Variants in ZNF804B observed in about 807,000 individuals in gnomAD.
The protein encoded by ZNF804B is zinc finger 804B.
A neutral mutation model predicts 101.4 loss-of-function variants in ZNF804B; 80 were observed. The observed-to-expected ratio is 0.79, with a 90% CI of 0.66 to 0.95. ZNF804B has a LOEUF of 0.95. Ranked by LOEUF, ZNF804B falls within the 40% of genes least tolerant of loss-of-function variation. The probability of loss-of-function intolerance (pLI) is 0.00; values close to 1 mark genes in which losing one functional copy is unlikely to be tolerated. For synonymous variants in ZNF804B, 622 were observed against 558.8 expected (o/e 1.11, Z -1.59); for missense variants, 1,673 against 1,561.9 (o/e 1.07, Z -1.20).
intron 1 of ZNF804B, among the ~76,000 whole-genome samples, chr7:89,172,535 A>C (rs1791252231): frequency 6.6e-6 from 1 of 152,186 alleles, no homozygotes; most frequent in Non-Finnish European, 1.5e-5. Flanking sequence ...TGTTTTACTA[A>C]CTGTACAGCC....
intron 2 of ZNF804B, among the ~76,000 whole-genome samples, chr7:89,260,738 A>G (rs767325031): frequency 6.6e-6 from 1 of 152,198 alleles, no homozygotes; most frequent in Non-Finnish European, 1.5e-5. Context: ...TGCAATGACA[A>G]CTTCATGAAT....
chr7:89,149,079 C>A (rs1201566482), intron 1 of ZNF804B, among the ~76,000 whole-genome samples: 1 of 152,004 alleles, frequency 6.6e-6, no homozygotes, highest in Non-Finnish European at 1.5e-5. Flanking sequence ...AAGGTTACCA[C>A]CAAGCTGAAA....
At chr7:88,930,775 A>C (rs1792870963) in intron 1 of ZNF804B, among the ~76,000 whole-genome samples, 1 of 151,876 alleles carries the variant, frequency 6.6e-6, no homozygotes, top group Non-Finnish European at 1.5e-5. Context: ...TTGTCAGAGA[A>C]ATTAAGAATT....
At chr7:89,146,263 T>C (rs1790790321) in intron 1 of ZNF804B, among the ~76,000 whole-genome samples, 1 of 152,082 alleles carries the variant, frequency 6.6e-6, no homozygotes. Context: ...TTGTAGGATG[T>C]AGTAATGTAC....
intron 1 of ZNF804B, among the ~76,000 whole-genome samples, chr7:89,025,986 C>T (rs188332337): frequency 6.6e-6 from 1 of 152,212 alleles, no homozygotes; most frequent in African/African-American, 2.4e-5. Context: ...TAACTGGCCC[C>T]TATCTACCCC....
rs1791038520 is a variant in ZNF804B, at chr7:89,334,371, C to G, written c.1389C>G (p.Leu463=). 1.2e-6 allele frequency: 2 copies of G among 1,613,814 alleles called. No individual in the cohort carries two copies. Among genetic ancestry groups the G allele is most frequent in the East Asian group, 4.5e-5 (2 of 44,858 alleles). ...TTLQWPTELL[L]FTKTEPCISY... ...TTCAATGGCCTACGGAACTTCTGCT[C>G]TTTACAAAAACAGAACCCTGTATCT... Residue 463 remains leucine (L), a synonymous_variant, in exon 4 of 4, where the codon CTC becomes CTG. Coordinates refer to ENST00000333190, the MANE Select transcript of ZNF804B (RefSeq NM_181646.5).
chr7:89,030,160 G>C (rs1043863251), intron 1 of ZNF804B, among the ~76,000 whole-genome samples: 3 of 152,046 alleles, frequency 2.0e-5, no homozygotes, highest in Non-Finnish European at 4.4e-5. Flanking sequence ...AGAAAGTCTG[G>C]GTCCCAGACT....
At chr7:89,221,049 G>C (rs1788997084) in intron 2 of ZNF804B, among the ~76,000 whole-genome samples, 1 of 151,750 alleles carries the variant, frequency 6.6e-6, no homozygotes, top group Admixed American at 6.6e-5. Flanking sequence ...TATAATGTCT[G>C]GTTGTCTCTC....
chr7:88,903,710 C>T (rs776807876), intron 1 of ZNF804B, among the ~76,000 whole-genome samples: 46 of 152,122 alleles, frequency 3.0e-4, no homozygotes, highest in Middle Eastern at 3.4e-3. Flanking sequence ...TGATTAGTGA[C>T]GATGACAATT....
At chr7:88,782,468 T>C (rs1292554064) in intron 1 of ZNF804B, among the ~76,000 whole-genome samples, 1 of 152,088 alleles carries the variant, frequency 6.6e-6, no homozygotes, top group Non-Finnish European at 1.5e-5. Context: ...TATATGTATA[T>C]ACGTGCACAT....
intron 1 of ZNF804B, among the ~76,000 whole-genome samples, chr7:89,187,875 C>G (rs957569770): frequency 1.3e-5 from 2 of 152,086 alleles, no homozygotes; most frequent in Non-Finnish European, 2.9e-5. Context: ...CCAAACCCCT[C>G]TTTTAGAGGT....
intron 2 of ZNF804B, among the ~76,000 whole-genome samples, chr7:89,300,041 A>C (rs570713761): frequency 6.6e-6 from 1 of 151,654 alleles, no homozygotes; most frequent in South Asian, 2.1e-4. Flanking sequence ...TTAGATCAGC[A>C]CATCACCATC....
intron 1 of ZNF804B, among the ~76,000 whole-genome samples, chr7:89,179,834 G>T (rs1177355627): frequency 6.6e-6 from 1 of 152,110 alleles, no homozygotes; most frequent in Non-Finnish European, 1.5e-5. Flanking sequence ...ATCTAAGTTT[G>T]GTCTCTGCAG....
At chr7:89,333,004 A>T (rs2115995861) in intron 3 of ZNF804B, among the ~76,000 whole-genome samples, 1 of 152,054 alleles carries the variant, frequency 6.6e-6, no homozygotes, top group African/African-American at 2.4e-5. Flanking sequence ...TTCTTATTTA[A>T]TGTGAATGCA....
At chr7:88,792,592 A>T (rs1283344495) in intron 1 of ZNF804B, among the ~76,000 whole-genome samples, 1 of 152,054 alleles carries the variant, frequency 6.6e-6, no homozygotes, top group African/African-American at 2.4e-5. Flanking sequence ...ATATTTACTT[A>T]CGTTTCCAGT....
At chr7:88,881,602 G>T (rs1792029552) in intron 1 of ZNF804B, among the ~76,000 whole-genome samples, 1 of 152,134 alleles carries the variant, frequency 6.6e-6, no homozygotes, top group African/African-American at 2.4e-5. Flanking sequence ...AAATGGCTTA[G>T]GCTACAGATT....
chr7:89,102,634 G>T (rs150076129), intron 1 of ZNF804B, among the ~76,000 whole-genome samples: 1 of 151,928 alleles, frequency 6.6e-6, no homozygotes, highest in African/African-American at 2.4e-5. Context: ...TCTGTAGGTT[G>T]TCTGTTTATT....
chr7:89,212,277 A>ACG (rs1411506553), intron 1 of ZNF804B, among the ~76,000 whole-genome samples: 2 of 129,198 alleles, frequency 1.5e-5, no homozygotes, highest in Non-Finnish European at 3.5e-5. Context: ...ACACACACAC[A>ACG]CACACACACA....
chr7:89,106,200 A>G (rs1483398036), intron 1 of ZNF804B, among the ~76,000 whole-genome samples: 2 of 152,180 alleles, frequency 1.3e-5, no homozygotes, highest in African/African-American at 4.8e-5. Context: ...AAAAACTTGT[A>G]AGATGTATGA....
Sources: allele counts gnomAD v4.1 joint callset (sites outside exome capture counted in the v4.1 genomes callset), GRCh38; gene constraint gnomAD v4.1.1; transcripts MANE v1.5; gene names NCBI Gene and HGNC (gene_info 2026-07-23, HGNC 2026-07-21).